CHST11: variants seen among roughly 807,000 people sequenced by gnomAD.
CHST11 encodes the protein carbohydrate sulfotransferase 11.
A neutral mutation model predicts 30.4 loss-of-function variants in CHST11; 9 were observed. The ratio of observed to expected loss-of-function variants is 0.30; its 90% CI spans 0.18 to 0.52. CHST11 has a LOEUF of 0.52. Among genes scored for constraint, CHST11 ranks in the 20% least tolerant of loss-of-function variants. The probability of loss-of-function intolerance (pLI) is 0.97; values close to 1 mark genes in which losing one functional copy is unlikely to be tolerated. For synonymous variants in CHST11, 152 were observed against 187.8 expected, an observed-to-expected ratio of 0.81 and a Z score of 1.56; for missense variants, 348 against 460.6, an observed-to-expected ratio of 0.76 and a Z score of 2.24.
At chr12:104,696,372 C>G (rs2039944784) in intron 2 of CHST11, among the ~76,000 whole-genome samples, 1 of 151,158 alleles carries the variant, frequency 6.6e-6, no homozygotes, top group Non-Finnish European at 1.5e-5. Context: ...CACGGTGGCT[C>G]ACGCCTGTAA....
chr12:104,557,421 T>C (rs558776949), intron 1 of CHST11, among the ~76,000 whole-genome samples: 262 of 151,688 alleles, frequency 1.7e-3, no homozygotes, highest in African/African-American at 6.1e-3. Flanking sequence ...TTGAAGGAGC[T>C]GAAGTGGAGG....
At chr12:104,756,454 CTA>C (rs1437555556) in intron 2 of CHST11, among the ~76,000 whole-genome samples, 3 of 151,978 alleles carry the variant, frequency 2.0e-5, no homozygotes, top group Non-Finnish European at 4.4e-5. Context: ...ACCTCCTAGA[CTA>C]TGAGTGATTT....
intron 1 of CHST11, among the ~76,000 whole-genome samples, chr12:104,508,453 G>A (rs1324839815): frequency 6.6e-6 from 1 of 152,250 alleles, no homozygotes; most frequent in Non-Finnish European, 1.5e-5. Context: ...ATGCTCAATA[G>A]ATGTTTGCTT....
intron 1 of CHST11, among the ~76,000 whole-genome samples, chr12:104,494,202 C>T (rs2037777064): frequency 6.6e-6 from 1 of 152,144 alleles, no homozygotes; most frequent in Non-Finnish European, 1.5e-5. Context: ...AGCTGATTTC[C>T]CCAAATCTCC....
intron 2 of CHST11, among the ~76,000 whole-genome samples, chr12:104,724,772 C>A (rs1298050289): frequency 1.3e-5 from 2 of 152,090 alleles, no homozygotes; most frequent in Non-Finnish European, 2.9e-5. Context: ...AAATAATACA[C>A]ACGTTAGAGT....
intron 1 of CHST11, among the ~76,000 whole-genome samples, chr12:104,518,300 T>C (rs968502105): frequency 6.6e-6 from 1 of 151,754 alleles, no homozygotes; most frequent in African/African-American, 2.4e-5. Flanking sequence ...AAAATAAACA[T>C]AAAAATAAAG....
intron 2 of CHST11, among the ~76,000 whole-genome samples, chr12:104,734,569 A>C (rs1428898845): frequency 6.6e-6 from 1 of 152,164 alleles, no homozygotes; most frequent in East Asian, 1.9e-4. Context: ...CACAGGTGGA[A>C]AACGGGGTGG....
intron 1 of CHST11, among the ~76,000 whole-genome samples, chr12:104,519,071 GGTGTGTGTGTGTGTGT>G (rs10628757): frequency 7.2e-6 from 1 of 139,568 alleles, no homozygotes; most frequent in Non-Finnish European, 1.5e-5. Flanking sequence ...GGACTCTTGA[GGTGTGTGTGTGTGTGT>G]GTGTGTGTGT....
At chr12:104,537,420 T>A (rs576553655) in intron 1 of CHST11, among the ~76,000 whole-genome samples, 255 of 152,264 alleles carry the variant, frequency 1.7e-3, no homozygotes, top group Non-Finnish European at 2.8e-3. Context: ...GTTAACAGGG[T>A]GGGCTCTGAG....
chr12:104,718,453 G>T (rs1592856437), intron 2 of CHST11, among the ~76,000 whole-genome samples: 1 of 152,340 alleles, frequency 6.6e-6, no homozygotes, highest in South Asian at 2.1e-4. Context: ...GGCTGACAAG[G>T]ATTGTGTGGC....
chr12:104,560,702 T>A (rs2038505244), intron 1 of CHST11, among the ~76,000 whole-genome samples: 1 of 152,236 alleles, frequency 6.6e-6, no homozygotes, highest in African/African-American at 2.4e-5. Context: ...TTTCTGCAGG[T>A]GATGTCCTTG....
In CHST11 at chr12:104,607,211, G is replaced by A. The variant is rs144512105; in HGVS notation, c.204+5220G>A. Among the ~76,000 whole-genome samples the A allele has an allele frequency of 1.4e-3, 215 of 152,282 alleles. 4 individuals are homozygous for A. The highest frequency in any genetic ancestry group is 6.2e-4 in the South Asian group (3 of 4,832). On this transcript the variant is annotated intron_variant, in intron 2 of 2. Coordinates refer to ENST00000303694, the MANE Select transcript of CHST11 (RefSeq NM_018413.6). The stretch of plus-strand genomic sequence containing the variant: ...AGGAGTCACCCCTGAGAATTCTGCC[G>A]TGGGATAGAGCATCGCATCTTGGTG...
intron 2 of CHST11, among the ~76,000 whole-genome samples, chr12:104,717,645 C>A (rs990493000): frequency 1.3e-5 from 2 of 152,188 alleles, no homozygotes; most frequent in African/African-American, 4.8e-5. Context: ...GTGGTAGGCG[C>A]CTGTAGTCCC....
chr12:104,553,852 G>GT (rs961987271), intron 1 of CHST11, among the ~76,000 whole-genome samples: 7 of 152,122 alleles, frequency 4.6e-5, no homozygotes, highest in Non-Finnish European at 1.0e-4. Context: ...TTATATCACA[G>GT]TTTTTTTGGG....
At chr12:104,505,183 C>T (rs565460839) in intron 1 of CHST11, among the ~76,000 whole-genome samples, 9 of 152,296 alleles carry the variant, frequency 5.9e-5, no homozygotes, top group African/African-American at 2.2e-4. Context: ...ACCAGCAGTT[C>T]TATTCTACCT....
intron 1 of CHST11, among the ~76,000 whole-genome samples, chr12:104,478,385 G>T (rs2037585808): frequency 6.6e-6 from 1 of 152,158 alleles, no homozygotes; most frequent in Non-Finnish European, 1.5e-5. Flanking sequence ...CGTGAATGCA[G>T]TGCCAGCACC....
chr12:104,746,867 A>G (rs703680), intron 2 of CHST11, among the ~76,000 whole-genome samples: 74,950 of 151,976 alleles, frequency 0.49, 18,985 homozygotes, highest in Middle Eastern at 0.56. Flanking sequence ...CTTCCCCTAA[A>G]ATGCACCCAA....
chr12:104,541,360 T>C (rs1276124826), intron 1 of CHST11, among the ~76,000 whole-genome samples: 1 of 152,160 alleles, frequency 6.6e-6, no homozygotes, highest in Non-Finnish European at 1.5e-5. Context: ...TGGGGGTATT[T>C]CTTCTCAGAG....
Position 104,457,276 on chromosome 12 carries a change from G to T in CHST11, c.-136G>T. On this transcript the variant is annotated 5_prime_UTR_variant, in exon 1 of 3. Coordinates refer to ENST00000303694, the MANE Select transcript of CHST11 (RefSeq NM_018413.6). Reference sequence around the variant, plus strand: ...GGGGCTCCGAGAGCGGCCGCGAAGCGACTCCGATCCTCCCTCTGAGCCTTG... The same window carrying T: ...GGGGCTCCGAGAGCGGCCGCGAAGCTACTCCGATCCTCCCTCTGAGCCTTG... 3.3e-6 allele frequency: 2 copies of T among 606,970 alleles called. No homozygotes were observed. Among genetic ancestry groups the T allele is most frequent in the South Asian group, 2.0e-5 (1 of 50,062 alleles). The allele number at this position is 606,970 out of a possible 1,614,324, so 37.6% of individuals were successfully genotyped here.
Sources: allele counts gnomAD v4.1 joint callset (sites outside exome capture counted in the v4.1 genomes callset), GRCh38; gene constraint gnomAD v4.1.1; transcripts MANE v1.5; gene names NCBI Gene and HGNC (gene_info 2026-07-23, HGNC 2026-07-21).